Variants in UBE3A observed in about 807,000 individuals in gnomAD.
The protein encoded by UBE3A is ubiquitin protein ligase E3A.
UBE3A carries 6 observed loss-of-function variants against 83.4 expected under a neutral mutation model. The ratio of observed to expected loss-of-function variants is 0.07; its 90% CI spans 0.04 to 0.14. The LOEUF is 0.14. Among genes scored for constraint, UBE3A ranks in the 10% least tolerant of loss-of-function variants. The pLI, the probability that UBE3A is intolerant of heterozygous loss-of-function variation, is 1.00. For synonymous variants in UBE3A, 337 were observed against 355.4 expected (o/e 0.95, Z 0.58); for missense variants, 456 against 1,036.1 (o/e 0.44, Z 7.69).
chr15:25,344,288 A>T (rs182165744), intron 11 of UBE3A, among the ~76,000 whole-genome samples: 177 of 152,268 alleles, frequency 1.2e-3, no homozygotes, highest in Non-Finnish European at 6.5e-4. Context: ...AAAATGGAAA[A>T]CACCTCTGCA....
At position 25,408,217 on chromosome 15, in the gene UBE3A, T is replaced by C. The variant is rs145188076; in HGVS notation, c.20+871A>G. Reference sequence around the variant, plus strand: ...CTGGGCGATGGAGTGAGACCTTGTCTTGGAAACAAACATAAACTATGAAAT... The same window carrying C: ...CTGGGCGATGGAGTGAGACCTTGTCCTGGAAACAAACATAAACTATGAAAT... On this transcript the variant is annotated intron_variant, in intron 3 of 12. Coordinates refer to ENST00000648336, the MANE Select transcript of UBE3A (RefSeq NM_130839.5). 4.4e-3 allele frequency: 886 copies of C among 200,172 alleles called. 2 individuals carry two copies. The highest frequency in any genetic ancestry group is 0.017 in the Middle Eastern group (8 of 474). The allele number at this position is 200,172 out of a possible 1,614,324, so 12.4% of individuals were successfully genotyped here.
rs1260418313 is a variant in UBE3A at position 25,364,641 on chromosome 15, G to GTTTTTTTTTTTTT, written c.1609-4115_1609-4114insAAAAAAAAAAAAA. On this transcript the variant is annotated intron_variant, in intron 6 of 12. Transcript: ENST00000648336. ...CACGTGGATTTTTAGGGTTTTTTTT[G>GTTTTTTTTTTTTT]TTTGTTTTTTTTTTTTTTTTGAGAC... is the stretch of plus-strand genomic sequence containing the variant. 4.7e-4 allele frequency among the ~76,000 whole-genome samples: 62 copies of GTTTTTTTTTTTTT among 132,490 alleles called. 1 individual carries two copies. The highest frequency in any genetic ancestry group is 1.8e-3 in the African/African-American group (60 of 32,470). 86.9% of individuals were successfully genotyped at this position (132,490 alleles called of 152,430 possible).
intron 1 of UBE3A, among the ~76,000 whole-genome samples, chr15:25,422,261 G>A (rs1890057464): frequency 6.6e-6 from 1 of 152,092 alleles, no homozygotes; most frequent in African/African-American, 2.4e-5. Context: ...GGTTGCCTGG[G>A]GCCAAGAGGG....
intron 4 of UBE3A, among the ~76,000 whole-genome samples, chr15:25,391,963 T>C (rs1388659730): frequency 6.6e-6 from 1 of 151,950 alleles, no homozygotes; most frequent in Non-Finnish European, 1.5e-5. Context: ...TGGCAGCAGA[T>C]TTGGGAAAGA....
At chr15:25,401,740 ATTTTT>A (rs201565392) in intron 4 of UBE3A, among the ~76,000 whole-genome samples, 1 of 151,654 alleles carries the variant, frequency 6.6e-6, no homozygotes, top group Non-Finnish European at 1.5e-5. Context: ...ACAACTCTTT[ATTTTT>A]TTTATCTTGA....
chr15:25,419,844 A>G (rs1181954315), intron 1 of UBE3A, among the ~76,000 whole-genome samples: 1 of 152,108 alleles, frequency 6.6e-6, no homozygotes, highest in East Asian at 1.9e-4. Flanking sequence ...GATTGAGGTA[A>G]GTTAAAGGTG....
rs906623673 is a variant in UBE3A at position 25,334,802 on chromosome 15, T to C, written c.*4335A>G. ...ACCAGGACCATTCATGGGGAAATAATAGTCTTTTCAACAACTGGTGCTTGG... is the reference window on the plus strand; with the variant it reads ...ACCAGGACCATTCATGGGGAAATAACAGTCTTTTCAACAACTGGTGCTTGG... On this transcript the variant is annotated 3_prime_UTR_variant, in exon 13 of 13. Coordinates refer to ENST00000648336, the MANE Select transcript of UBE3A (RefSeq NM_130839.5). 1 of 152,174 alleles carries C rather than the reference T, an allele frequency of 6.6e-6. No individual in the cohort carries two copies. 9.4% of individuals were successfully genotyped at this position (152,174 alleles called of 1,614,324 possible).
Position 25,430,044 on chromosome 15 carries a change from TA to T in UBE3A, c.-165+8444del, listed in dbSNP as rs1892672106. Reference sequence around the variant, plus strand: ...AAAAAAACCTATATATATATATATATATATATTTATATGTATTATATATATA... The same window carrying T: ...AAAAAAACCTATATATATATATATATTATATTTATATGTATTATATATATA... On this transcript the variant is annotated intron_variant, in intron 1 of 12. Transcript: ENST00000648336. 6.2e-5 allele frequency among the ~76,000 whole-genome samples: 7 copies of T among 113,306 alleles called. 1 individual carries two copies. Among genetic ancestry groups the T allele is most frequent in the Admixed American group, 1.1e-4 (1 of 9,472 alleles). The allele number at this position is 113,306 out of a possible 152,430, so 74.3% of individuals were successfully genotyped here.
At chr15:25,339,930 G>T in intron 12 of UBE3A, 155 bp downstream of exon 12, 1 of 1,030,016 alleles carries the variant, frequency 9.7e-7, no homozygotes, top group Non-Finnish European at 1.4e-6. Flanking sequence ...CTCACACAAT[G>T]ACAGCAAAGT....
Position 25,371,766 on chromosome 15 carries a change from T to A in UBE3A, c.408A>T (p.Leu136Phe). ...TEEKVYEILELCREREDYSPL... is the reference protein window; with the variant it reads ...TEEKVYEILEFCREREDYSPL... ...GGGAATAATCCTCTCTTTCTCTACA[T>A]AATTCAAGAATTTCATATACCTTCT... Residue 136 changes from leucine to phenylalanine, a missense_variant, in exon 6 of 13, where the codon TTA becomes TTT. Coordinates refer to ENST00000648336, the MANE Select transcript of UBE3A (RefSeq NM_130839.5). The surrounding 1 kb of genome is among the most constrained non-coding windows in gnomAD (Gnocchi z 5.3). The A allele has an allele frequency of 6.2e-7, 1 of 1,613,068 alleles. No individual in the cohort carries two copies. The highest frequency in any genetic ancestry group is 8.5e-7 in the Non-Finnish European group (1 of 1,179,940).
chr15:25,389,875 G>A (rs139912001), intron 4 of UBE3A, among the ~76,000 whole-genome samples: 2,413 of 151,400 alleles, frequency 0.016, 38 homozygotes, highest in Middle Eastern at 0.024. Flanking sequence ...GTGACAGAGC[G>A]AGGCTCTGTC....
In UBE3A at chr15:25,377,948, T is replaced by C. The variant is rs1465371037; in HGVS notation, c.63-2185A>G. ...ACCCATTGTTATTTCAAAGCATTAA[T>C]AGCATTTTCTCTGGATGATGTGATT... On this transcript the variant is annotated intron_variant, in intron 4 of 12. Transcript: ENST00000648336. Among the ~76,000 whole-genome samples the C allele has an allele frequency of 3.3e-5, 5 of 151,852 alleles. No homozygotes were observed. The East Asian group carries it at 8.0e-4, about 24-fold the overall frequency.
At chr15:25,408,174 G>C (rs375757637) in intron 3 of UBE3A, 1 of 162,458 alleles carries the variant, frequency 6.2e-6, no homozygotes. Flanking sequence ...AACTGTGATC[G>C]TGCCACTGCA....
intron 6 of UBE3A, among the ~76,000 whole-genome samples, chr15:25,369,876 T>C (rs17115520): frequency 0.12 from 18,130 of 152,182 alleles, 1,158 homozygotes; most frequent in Middle Eastern, 0.23. Flanking sequence ...GTTTCCAGTA[T>C]TTCCCTGCTC....
intron 1 of UBE3A, among the ~76,000 whole-genome samples, chr15:25,434,496 A>G (rs1894411003): frequency 6.6e-6 from 1 of 152,232 alleles, no homozygotes; most frequent in Admixed American, 6.5e-5. Context: ...TGGATTATGG[A>G]ATATGTCTCC....
chr15:25,436,710 C>T (rs972167553), intron 1 of UBE3A, among the ~76,000 whole-genome samples: 12 of 152,274 alleles, frequency 7.9e-5, no homozygotes, highest in African/African-American at 2.9e-4. Flanking sequence ...GTTTTCCCCA[C>T]ACCTCTGACT....
rs2080306481 is a variant in UBE3A, at chr15:25,371,658, C to T, written c.516G>A (p.Lys172=). The change falls in exon 6 of 13, where the codon AAG becomes AAA. Residue 172 remains lysine (K), a synonymous_variant. Transcript: ENST00000648336. This position sits in a 1 kb window ranked among gnomAD's most constrained non-coding sequence, Gnocchi z 5.3. ...QSFRKVKQHT[K]EELKSLQAKD... is the part of the protein sequence containing the mutation. ...TTGCTTGAAGAGATTTCAGTTCTTC[C>T]TTGGTGTGTTGTTTAACTTTCCGGA... The T allele has an allele frequency of 1.2e-6, 2 of 1,613,984 alleles. No homozygotes were observed. The highest frequency in any genetic ancestry group is 1.3e-5 in the African/African-American group (1 of 74,988).
chr15:25,340,066 C>A lies in UBE3A; in HGVS notation c.2498+19G>T, dbSNP rs753187955. ...AAGGTTTTCGGTAGGTATACAGTCA[C>A]AAGTTAATAATTACCTACCTTTCTG... On this transcript the variant is annotated intron_variant, in intron 12 of 12. Coordinates refer to ENST00000648336, the MANE Select transcript of UBE3A (RefSeq NM_130839.5). 6.2e-7 allele frequency: 1 copy of A among 1,613,900 alleles called. No homozygotes were observed. The highest frequency in any genetic ancestry group is 1.1e-5 in the South Asian group (1 of 91,080).
chr15:25,363,171 G>C (rs1007610948), intron 6 of UBE3A, among the ~76,000 whole-genome samples: 1 of 151,912 alleles, frequency 6.6e-6, no homozygotes, highest in African/African-American at 2.4e-5. Context: ...TCCCCACCTT[G>C]GTGCCAAAAG....
Sources: allele counts gnomAD v4.1 joint callset (sites outside exome capture counted in the v4.1 genomes callset), GRCh38; gene constraint gnomAD v4.1.1; non-coding constraint Gnocchi (gnomAD v3.1); transcripts MANE v1.5; gene names NCBI Gene and HGNC (gene_info 2026-07-23, HGNC 2026-07-21).